Variants in NRG1 observed in about 807,000 individuals in gnomAD.
NRG1 encodes the protein pro-neuregulin-1, membrane-bound isoform.
In NRG1, 18 loss-of-function variants were observed where a neutral mutation model predicts 63.8. That is an observed-to-expected ratio of 0.28 (90% CI 0.19 to 0.42). The LOEUF is 0.42. Ranked by LOEUF, NRG1 falls within the 10% of genes least tolerant of loss-of-function variation. NRG1 has a pLI of 1.00. For missense variants in NRG1, 762 were observed against 814.7 expected, an observed-to-expected ratio of 0.94 and a Z score of 0.79; for synonymous variants, 302 against 301.3, an observed-to-expected ratio of 1.00 and a Z score of -0.02.
intron 1 of NRG1, among the ~76,000 whole-genome samples, chr8:32,074,702 G>T (rs1826225365): frequency 1.3e-5 from 2 of 152,154 alleles, no homozygotes; most frequent in Admixed American, 1.3e-4. Context: ...TTCATTTTCA[G>T]TCAGTGTCTG....
chr8:32,270,016 A>G (rs1409826101), intron 1 of NRG1, among the ~76,000 whole-genome samples: 1 of 152,194 alleles, frequency 6.6e-6, no homozygotes, highest in Non-Finnish European at 1.5e-5. Flanking sequence ...CTTTTTATAC[A>G]TAAATACCTA....
chr8:32,375,743 T>C (rs1028953353), intron 1 of NRG1, among the ~76,000 whole-genome samples: 3 of 152,212 alleles, frequency 2.0e-5, no homozygotes, highest in African/African-American at 7.2e-5. Context: ...CAGCTAATTT[T>C]CTGTTCACAT....
chr8:31,813,364 A>T (rs1823075649), intron 1 of NRG1, among the ~76,000 whole-genome samples: 1 of 152,078 alleles, frequency 6.6e-6, no homozygotes, highest in South Asian at 2.1e-4. Context: ...TTTTCCAGAA[A>T]ATTGGGTATC....
rs903895222 is a variant in NRG1, at chr8:32,471,047, C to T, written c.38-124781C>T. ...GAACTCCTAGGCGCAAGCAATCCTCCCACCTCAGCCTCCCAGAGTGCTGGG... is the reference window on the plus strand; with the variant it reads ...GAACTCCTAGGCGCAAGCAATCCTCTCACCTCAGCCTCCCAGAGTGCTGGG... On this transcript the variant is annotated intron_variant, in intron 1 of 10. Coordinates refer to the NRG1 transcript ENST00000519301. 2.0e-5 allele frequency among the ~76,000 whole-genome samples: 3 copies of T among 152,200 alleles called. No homozygotes were observed. In the East Asian group the frequency reaches 5.8e-4, roughly 29 times the overall value.
intron 1 of NRG1, among the ~76,000 whole-genome samples, chr8:32,221,414 GC>G (rs1386004412): frequency 6.6e-6 from 1 of 152,168 alleles, no homozygotes; most frequent in African/African-American, 2.4e-5. Context: ...GAACAGAGCT[GC>G]TTTTGCAAGA....
At chr8:31,755,931 A>G (rs1415576938) in intron 1 of NRG1, among the ~76,000 whole-genome samples, 1 of 152,178 alleles carries the variant, frequency 6.6e-6, no homozygotes, top group Non-Finnish European at 1.5e-5. Context: ...GTGGTTAAGA[A>G]GACCAAGAGG....
chr8:32,206,308 CTCG>C (rs1228582541), intron 1 of NRG1, among the ~76,000 whole-genome samples: 3 of 152,060 alleles, frequency 2.0e-5, no homozygotes, highest in Non-Finnish European at 4.4e-5. Flanking sequence ...CCTAATGGCT[CTCG>C]TGAAGCATTC....
downstream of NRG1, among the ~76,000 whole-genome samples, chr8:32,771,136 G>A (rs1050925001): frequency 6.6e-6 from 1 of 151,868 alleles, no homozygotes; most frequent in African/African-American, 2.4e-5. Context: ...TCTGAGACAG[G>A]GTCTTGATCT....
intron 1 of NRG1, among the ~76,000 whole-genome samples, chr8:32,078,083 C>A (rs941576265): frequency 2.0e-5 from 3 of 152,166 alleles, no homozygotes; most frequent in African/African-American, 7.2e-5. Flanking sequence ...AACAACTTCA[C>A]ATCCTCCTAA....
intron 1 of NRG1, among the ~76,000 whole-genome samples, chr8:32,017,294 T>C (rs1210983088): frequency 6.6e-6 from 1 of 152,210 alleles, no homozygotes; most frequent in Admixed American, 6.5e-5. Flanking sequence ...AAAACTGTAT[T>C]GTAGACTCGG....
chr8:32,662,255 G>T (rs957084795), intron 5 of NRG1, among the ~76,000 whole-genome samples: 1 of 152,144 alleles, frequency 6.6e-6, no homozygotes. Context: ...TGAATTAATG[G>T]AGTTAACCAT....
At chr8:31,883,351 G>T (rs1830493709) in intron 1 of NRG1, among the ~76,000 whole-genome samples, 1 of 152,024 alleles carries the variant, frequency 6.6e-6, no homozygotes, top group South Asian at 2.1e-4. Flanking sequence ...TACAACTTTT[G>T]TATGCACTGG....
At chr8:32,596,389 A>G (rs1000288361) in intron 2 of NRG1, among the ~76,000 whole-genome samples, 11 of 152,098 alleles carry the variant, frequency 7.2e-5, no homozygotes, top group Admixed American at 4.6e-4. Flanking sequence ...AGATCACCTG[A>G]AGTCAGGAGT....
chr8:31,876,475 A>G (rs1238682558), intron 1 of NRG1, among the ~76,000 whole-genome samples: 1 of 152,176 alleles, frequency 6.6e-6, no homozygotes, highest in Non-Finnish European at 1.5e-5. Flanking sequence ...TCACATTTAG[A>G]ATATTCAATA....
At chr8:32,713,941 C>T (rs990456200) in intron 5 of NRG1, among the ~76,000 whole-genome samples, 1 of 151,880 alleles carries the variant, frequency 6.6e-6, no homozygotes, top group Non-Finnish European at 1.5e-5. Context: ...TCTCCTGCCT[C>T]AGCCTCCCCA....
At chr8:32,565,705 T>C (rs1197172528) in intron 1 of NRG1, among the ~76,000 whole-genome samples, 4 of 152,194 alleles carry the variant, frequency 2.6e-5, no homozygotes, top group Non-Finnish European at 5.9e-5. Context: ...CCTGTAGATA[T>C]TTTTCAGGTT....
intron 1 of NRG1, among the ~76,000 whole-genome samples, chr8:32,376,537 T>C (rs1200337860): frequency 1.3e-5 from 2 of 152,176 alleles, no homozygotes; most frequent in Admixed American, 6.5e-5. Context: ...TTAATACATA[T>C]GCTTTGGAAT....
intron 1 of NRG1, among the ~76,000 whole-genome samples, chr8:32,205,416 G>A (rs1187065371): frequency 2.0e-5 from 3 of 152,052 alleles, no homozygotes; most frequent in Non-Finnish European, 4.4e-5. Context: ...TTGTGATAAT[G>A]ACAAAACGTT....
chr8:32,725,545 G>A (rs912407291), intron 5 of NRG1, among the ~76,000 whole-genome samples: 10 of 136,034 alleles, frequency 7.4e-5, no homozygotes, highest in African/African-American at 2.3e-4. Flanking sequence ...GTGCAATCTC[G>A]GCTCACTGCA....
Sources: allele counts gnomAD v4.1 joint callset (sites outside exome capture counted in the v4.1 genomes callset), GRCh38; gene constraint gnomAD v4.1.1; transcripts MANE v1.5; gene names NCBI Gene and HGNC (gene_info 2026-07-23, HGNC 2026-07-21).